Variants in REEP3 observed in about 807,000 individuals in gnomAD.
REEP3 encodes the protein receptor accessory protein 3.
In REEP3, 20 loss-of-function variants were observed where a neutral mutation model predicts 41.3. That is an observed-to-expected ratio of 0.48 (90% CI 0.34 to 0.70). REEP3 has a LOEUF of 0.70. Ranked by LOEUF, REEP3 falls within the 30% of genes least tolerant of loss-of-function variation. The probability of loss-of-function intolerance (pLI) is 0.01; values close to 1 mark genes in which losing one functional copy is unlikely to be tolerated. For missense variants in REEP3, 271 were observed against 308.8 expected (o/e 0.88, Z 0.92); for synonymous variants, 104 against 101.8 (o/e 1.02, Z -0.13).
At chr10:63,580,159 G>A (rs1001891284) in intron 2 of REEP3, among the ~76,000 whole-genome samples, 3 of 151,948 alleles carry the variant, frequency 2.0e-5, no homozygotes, top group Admixed American at 1.3e-4. Flanking sequence ...GAGGTGGGGG[G>A]GTGGTATTGC....
chr10:63,593,493 T>C (rs1204857997), intron 2 of REEP3, among the ~76,000 whole-genome samples: 1 of 152,216 alleles, frequency 6.6e-6, no homozygotes, highest in Non-Finnish European at 1.5e-5. Flanking sequence ...TTTCCTACTT[T>C]GTAAAGGTTG....
chr10:63,609,014 G>T (rs940238835), intron 5 of REEP3, among the ~76,000 whole-genome samples: 1 of 152,186 alleles, frequency 6.6e-6, no homozygotes, highest in African/African-American at 2.4e-5. Context: ...GATATGTCTT[G>T]CCAGATAGTT....
intron 5 of REEP3, among the ~76,000 whole-genome samples, chr10:63,602,055 A>G (rs1364745242): frequency 6.6e-6 from 1 of 152,146 alleles, no homozygotes; most frequent in Non-Finnish European, 1.5e-5. Context: ...ATCCCTGAGC[A>G]CCATGAAAAA....
chr10:63,589,301 G>T (rs1379214664), intron 2 of REEP3, among the ~76,000 whole-genome samples: 2 of 140,998 alleles, frequency 1.4e-5, no homozygotes, highest in African/African-American at 5.3e-5. Flanking sequence ...AACAGGTTTA[G>T]TAGTGCTGGA....
rs112273558 is a variant in REEP3, at chr10:63,601,885, C to T, written c.417+2602C>T. ...GCAGTGAGCCAAGATCACGCCATTG[C>T]ACTCCAGCCTAGGTGACAAGAGTGA... On this transcript the variant is annotated intron_variant, in intron 5 of 7. Transcript: ENST00000373758. 3.8e-3 allele frequency among the ~76,000 whole-genome samples: 574 copies of T among 152,168 alleles called. 5 individuals carry two copies. Among genetic ancestry groups the T allele is most frequent in the African/African-American group, 0.013 (537 of 41,512 alleles).
At chr10:63,546,528 CA>C (rs1428361103) in intron 1 of REEP3, among the ~76,000 whole-genome samples, 2 of 152,120 alleles carry the variant, frequency 1.3e-5, no homozygotes, top group Non-Finnish European at 2.9e-5. Context: ...ATAGTCAAGA[CA>C]ATCTTGAAGT....
intron 3 of REEP3, among the ~76,000 whole-genome samples, chr10:63,597,033 G>T (rs887762334): frequency 9.2e-5 from 14 of 152,150 alleles, no homozygotes; most frequent in African/African-American, 3.4e-4. Context: ...TGGAGTGAGG[G>T]AGTCGAAGGG....
intron 5 of REEP3, among the ~76,000 whole-genome samples, chr10:63,600,193 A>G (rs2133413909): frequency 6.6e-6 from 1 of 152,324 alleles, no homozygotes; most frequent in African/African-American, 2.4e-5. Context: ...GGAAATAAAT[A>G]TTCCAGTTGA....
intron 1 of REEP3, among the ~76,000 whole-genome samples, chr10:63,541,732 G>A (rs920980495): frequency 4.6e-5 from 7 of 152,012 alleles, no homozygotes; most frequent in African/African-American, 7.2e-5. Context: ...AGCATTTTAC[G>A]TGCAGTTTAA....
chr10:63,556,453 T>G (rs1367554301), intron 1 of REEP3, among the ~76,000 whole-genome samples: 1 of 138,480 alleles, frequency 7.2e-6, no homozygotes. Flanking sequence ...CATTACAGTC[T>G]ATATTAATAT....
intron 5 of REEP3, among the ~76,000 whole-genome samples, chr10:63,608,493 C>T (rs778096293): frequency 5.9e-5 from 9 of 152,186 alleles, no homozygotes; most frequent in Admixed American, 1.3e-4. Context: ...GTTTGTAGCA[C>T]CTTTGACTTT....
chr10:63,609,206 A>C (rs1424487282), intron 5 of REEP3, among the ~76,000 whole-genome samples: 2 of 151,862 alleles, frequency 1.3e-5, no homozygotes, highest in East Asian at 3.9e-4. Flanking sequence ...TAATCCCAGC[A>C]CTTTGGGAGG....
rs61633385 is a variant in REEP3 at position 63,586,984 on chromosome 10, G to GTTT, written c.106-7782_106-7780dup. On this transcript the variant is annotated intron_variant, in intron 2 of 7. Coordinates refer to ENST00000373758, the MANE Select transcript of REEP3 (RefSeq NM_001001330.3). Reference sequence around the variant, plus strand: ...AGTTTTCCTACTGACGTTTATGCATGTTTTTTTTTTTTTTGCATTTTATTC... The same window carrying GTTT: ...AGTTTTCCTACTGACGTTTATGCATGTTTTTTTTTTTTTTTTTGCATTTTATTC... Among the ~76,000 whole-genome samples, 189 of 142,498 alleles carry GTTT rather than the reference G, an allele frequency of 1.3e-3. 4 individuals are homozygous for GTTT. The East Asian group carries it at 0.014, about 11-fold the overall frequency. The allele number at this position is 142,498 out of a possible 152,430, so 93.5% of individuals were successfully genotyped here.
chr10:63,534,088 T>A (rs1306777025), intron 1 of REEP3, among the ~76,000 whole-genome samples: 1 of 152,032 alleles, frequency 6.6e-6, no homozygotes, highest in Admixed American at 6.6e-5. Context: ...CAGAAAGTTC[T>A]GTGTAGAGAT....
At chr10:63,610,481 T>G in intron 6 of REEP3, 147 bp downstream of exon 6, 1 of 731,482 alleles carries the variant, frequency 1.4e-6, no homozygotes, top group Non-Finnish European at 2.2e-6. Flanking sequence ...AAAACCTAGA[T>G]GATGGGTTGG....
intron 1 of REEP3, among the ~76,000 whole-genome samples, chr10:63,532,704 C>T (rs1564991437): frequency 6.6e-6 from 1 of 150,568 alleles, no homozygotes; most frequent in Non-Finnish European, 1.5e-5. Context: ...TCCACACCAG[C>T]CTGGGCAACA....
intron 1 of REEP3, among the ~76,000 whole-genome samples, chr10:63,530,697 T>C (rs1345173838): frequency 6.6e-6 from 1 of 152,204 alleles, no homozygotes; most frequent in African/African-American, 2.4e-5. Flanking sequence ...TTTTCCACTA[T>C]ATTTTAAACC....
chr10:63,605,209 A>C (rs11819145), intron 5 of REEP3, among the ~76,000 whole-genome samples: 3,811 of 152,298 alleles, frequency 0.025, 137 homozygotes, highest in African/African-American at 0.081. Flanking sequence ...AATAATTTTT[A>C]CTTCCTTTTT....
intron 1 of REEP3, among the ~76,000 whole-genome samples, chr10:63,561,324 T>C (rs1227771858): frequency 2.6e-5 from 4 of 152,014 alleles, no homozygotes; most frequent in African/African-American, 9.7e-5. Flanking sequence ...AATTTAGAAG[T>C]TTATGGAGGA....
Sources: allele counts gnomAD v4.1 joint callset (sites outside exome capture counted in the v4.1 genomes callset), GRCh38; gene constraint gnomAD v4.1.1; transcripts MANE v1.5; gene names NCBI Gene and HGNC (gene_info 2026-07-23, HGNC 2026-07-21).